The following DAP variants were observed in gnomAD, a reference collection of about 807,000 sequenced individuals.
DAP encodes death-associated protein 1.
A neutral mutation model predicts 13.8 loss-of-function variants in DAP; 8 were observed. That is an observed-to-expected ratio of 0.58 (90% CI 0.34 to 1.05). DAP has a LOEUF of 1.05. DAP is among the 50% of genes least tolerant of loss of function. The probability of loss-of-function intolerance (pLI) is 0.03; values close to 1 mark genes in which losing one functional copy is unlikely to be tolerated. For missense variants in DAP, 106 were observed against 133.2 expected (o/e 0.80, Z 1.01); for synonymous variants, 47 against 47.5 (o/e 0.99, Z 0.04).
intron 3 of DAP, chr5:10,683,193 A>T (rs1738067155): frequency 5.6e-6 from 2 of 356,314 alleles, no homozygotes; most frequent in East Asian, 1.4e-4. Context: ...AAGAAAGTGA[A>T]TGTTCTGAGA....
Position 10,707,967 on chromosome 5 carries a change from C to T in DAP, c.153-24396G>A, listed in dbSNP as rs960617784. On this transcript the variant is annotated intron_variant, in intron 2 of 3. Coordinates refer to ENST00000230895, the MANE Select transcript of DAP (RefSeq NM_004394.3). This position sits in a 1 kb window ranked among gnomAD's most constrained non-coding sequence, Gnocchi z 4.0. ...GCTTGAAATTCTTAAGAGTTGGATG[C>T]TACACTGAAGAGCTGAATCATCCTT... Among the ~76,000 whole-genome samples the T allele has an allele frequency of 8.5e-5, 13 of 152,156 alleles. No individual in the cohort carries two copies. The highest frequency in any genetic ancestry group is 3.1e-4 in the African/African-American group (13 of 41,424).
intron 2 of DAP, among the ~76,000 whole-genome samples, chr5:10,720,643 C>T (rs1255169756): frequency 6.6e-6 from 1 of 152,224 alleles, no homozygotes; most frequent in Non-Finnish European, 1.5e-5. Context: ...ACATGGACTT[C>T]CATTCACCAA....
intron 1 of DAP, among the ~76,000 whole-genome samples, chr5:10,749,889 C>T (rs1429678450): frequency 6.6e-6 from 1 of 151,976 alleles, no homozygotes; most frequent in Admixed American, 6.6e-5. Context: ...TGTTTGGGGT[C>T]GGCACGTTCC....
chr5:10,702,278 G>A lies in DAP; in HGVS notation c.153-18707C>T, dbSNP rs1434542607. On this transcript the variant is annotated intron_variant, in intron 2 of 3. Transcript: ENST00000230895. The stretch of plus-strand genomic sequence containing the variant: ...TAGCACAAGTTTGTGGTCGTGGCCA[G>A]GCAGTGAATGAACCAGGGTGCTTAG... Among the ~76,000 whole-genome samples the A allele has an allele frequency of 2.6e-5, 4 of 152,342 alleles. No homozygotes were observed. In the East Asian group the frequency reaches 7.7e-4, roughly 29 times the overall value.
At position 10,680,769 on chromosome 5, in the gene DAP, G is replaced by T. The variant is rs1000352164; in HGVS notation, c.*287C>A. The T allele has an allele frequency of 2.0e-6, 3 of 1,536,554 alleles. No individual in the cohort carries two copies. Among genetic ancestry groups the T allele is most frequent in the Non-Finnish European group, 1.7e-6 (2 of 1,146,972 alleles). Reference sequence around the variant, plus strand: ...AGGACGTCAGGTGACTGCTGAAATAGAACTAAAGCTAAAATTTTTCTCGGA... The same window carrying T: ...AGGACGTCAGGTGACTGCTGAAATATAACTAAAGCTAAAATTTTTCTCGGA... On this transcript the variant is annotated 3_prime_UTR_variant, in exon 4 of 4. Coordinates refer to ENST00000230895, the MANE Select transcript of DAP (RefSeq NM_004394.3).
In DAP at chr5:10,680,810, C is replaced by T. The variant is rs1737966410; in HGVS notation, c.*246G>A. The T allele has an allele frequency of 1.3e-6, 2 of 1,536,716 alleles. No individual in the cohort carries two copies. Among genetic ancestry groups the T allele is most frequent in the African/African-American group, 2.7e-5 (2 of 73,060 alleles). On this transcript the variant is annotated 3_prime_UTR_variant, in exon 4 of 4. Coordinates refer to ENST00000230895, the MANE Select transcript of DAP (RefSeq NM_004394.3). ...TTTTCTCGGATCTTGGCAAATTCTG[C>T]TAATGGCACCTCTAGGGGCACAATG...
chr5:10,680,657 T>G lies in DAP; in HGVS notation c.*399A>C. On this transcript the variant is annotated 3_prime_UTR_variant, in exon 4 of 4. Transcript: ENST00000230895. ...GTGTTGAGATTTTATTGGCCCATAC[T>G]AAAAAGCATGCAATGACTGAGGTTT... 7.4e-7 allele frequency: 1 copy of G among 1,350,296 alleles called. No individual in the cohort carries two copies. 83.6% of individuals were successfully genotyped at this position (1,350,296 alleles called of 1,614,324 possible).
chr5:10,680,552 T>A lies in DAP; in HGVS notation c.*504A>T. On this transcript the variant is annotated 3_prime_UTR_variant, in exon 4 of 4. Transcript: ENST00000230895. ...CCCCATCTCACGAGAGAGGGAAATTTGGCATTGCTGTTCCCTGCCTCTAAG... is the reference window on the plus strand; with the variant it reads ...CCCCATCTCACGAGAGAGGGAAATTAGGCATTGCTGTTCCCTGCCTCTAAG... 1 of 629,962 alleles carries A rather than the reference T, an allele frequency of 1.6e-6. No individual in the cohort carries two copies. The highest frequency in any genetic ancestry group is 2.7e-6 in the Non-Finnish European group (1 of 365,236). 39.0% of individuals were successfully genotyped at this position (629,962 alleles called of 1,614,324 possible).
intron 2 of DAP, chr5:10,734,203 C>T (rs1012218999): frequency 5.6e-4 from 85 of 152,326 alleles, no homozygotes; most frequent in African/African-American, 2.0e-3. Context: ...TTCCCTCCTT[C>T]CATCAGATCA....
rs373180279 is a variant in DAP, at chr5:10,743,200, C to T, written c.152+4975G>A. ...TGCATAGTTTTTTATTGTCTTTAGC[C>T]TTATAGTATCCACTTAAAAATGTTG... On this transcript the variant is annotated intron_variant, in intron 2 of 3. Transcript: ENST00000230895. Among the ~76,000 whole-genome samples the T allele has an allele frequency of 6.6e-5, 10 of 152,314 alleles. No individual in the cohort carries two copies. The East Asian group carries it at 1.9e-3, about 29-fold the overall frequency.
chr5:10,759,438 C>CA (rs374163475), intron 1 of DAP, among the ~76,000 whole-genome samples: 63 of 148,120 alleles, frequency 4.3e-4, no homozygotes, highest in East Asian at 2.2e-3. Flanking sequence ...GAAATCCCAT[C>CA]AAAAAAAAAA....
At chr5:10,729,228 G>T (rs1244435586) in intron 2 of DAP, among the ~76,000 whole-genome samples, 4 of 152,196 alleles carry the variant, frequency 2.6e-5, no homozygotes, top group African/African-American at 7.2e-5. Flanking sequence ...GTCATGCTCT[G>T]CTGTTCTGTA....
At chr5:10,727,401 C>A (rs1283065865) in intron 2 of DAP, among the ~76,000 whole-genome samples, 1 of 152,172 alleles carries the variant, frequency 6.6e-6, no homozygotes, top group Non-Finnish European at 1.5e-5. Context: ...GTTCCTGGGG[C>A]TGGCTTCCAA....
At chr5:10,711,589 C>CT (rs1738855367) in intron 2 of DAP, among the ~76,000 whole-genome samples, 1 of 152,222 alleles carries the variant, frequency 6.6e-6, no homozygotes, top group African/African-American at 2.4e-5. Flanking sequence ...CCTCTGAACT[C>CT]TGACAGCGCT....
In DAP at chr5:10,682,978, C is replaced by T. The variant is rs5745293; in HGVS notation, c.195+551G>A. The T allele has an allele frequency of 5.5e-3, 945 of 170,826 alleles. 3 individuals are homozygous for T. The highest frequency in any genetic ancestry group is 9.6e-3 in the Admixed American group (149 of 15,576). 10.6% of individuals were successfully genotyped at this position (170,826 alleles called of 1,614,324 possible). A position where few individuals can be genotyped will look rare whatever the true frequency, so the allele number is the denominator to read the frequency against. On this transcript the variant is annotated intron_variant, in intron 3 of 3. Coordinates refer to ENST00000230895, the MANE Select transcript of DAP (RefSeq NM_004394.3). ...GGCGCCTACGAGACAGAGCCAGGTTCGGCCTGTCCAGTCTCAGGAGGGACT... is the reference window on the plus strand; with the variant it reads ...GGCGCCTACGAGACAGAGCCAGGTTTGGCCTGTCCAGTCTCAGGAGGGACT...
chr5:10,748,727 G>A (rs1462687407), intron 1 of DAP, among the ~76,000 whole-genome samples: 2 of 152,198 alleles, frequency 1.3e-5, no homozygotes, highest in African/African-American at 4.8e-5. Flanking sequence ...CCTTCACAGA[G>A]CCCAGGCAAG....
At chr5:10,754,856 G>T (rs1317268426) in intron 1 of DAP, among the ~76,000 whole-genome samples, 2 of 152,174 alleles carry the variant, frequency 1.3e-5, no homozygotes, top group Admixed American at 6.5e-5. Flanking sequence ...ATCAAACTGG[G>T]TCCTGCCCAA....
chr5:10,753,170 C>T (rs543995084), intron 1 of DAP, among the ~76,000 whole-genome samples: 2 of 152,300 alleles, frequency 1.3e-5, no homozygotes, highest in South Asian at 2.1e-4. Flanking sequence ...TGGCAGGCAC[C>T]GCTCTAACCA....
rs1414387229 is a variant in DAP at position 10,681,158 on chromosome 5, A to G, written c.207T>C (p.Asp69=). Residue 69 remains aspartate, a synonymous_variant, in exon 4 of 4, where the codon GAT becomes GAC. Transcript: ENST00000230895. ...CCACCTGCGCAGCCGCCGGGGGGAA[A>G]TCTTTGTCACCCTGTCAGGAAACAC... ...ISGVIARGDK[D]FPPAAAQVAH... 2.6e-6 allele frequency: 4 copies of G among 1,510,460 alleles called. No individual in the cohort carries two copies. The highest frequency in any genetic ancestry group is 3.5e-6 in the Non-Finnish European group (4 of 1,131,520). The allele number at this position is 1,510,460 out of a possible 1,614,324, so 93.6% of individuals were successfully genotyped here. A position where few individuals can be genotyped will look rare whatever the true frequency, so the allele number is the denominator to read the frequency against.
Sources: allele counts gnomAD v4.1 joint callset (sites outside exome capture counted in the v4.1 genomes callset), GRCh38; gene constraint gnomAD v4.1.1; non-coding constraint Gnocchi (gnomAD v3.1); transcripts MANE v1.5; gene names NCBI Gene and HGNC (gene_info 2026-07-23, HGNC 2026-07-21).